Variants in CDH20 observed in about 807,000 individuals in gnomAD.
The protein encoded by CDH20 is cadherin 20, also known as cadherin-20.
Under a neutral mutation model 74.2 loss-of-function variants are expected in CDH20, and 29 were observed. The observed-to-expected ratio is 0.39, with a 90% CI of 0.29 to 0.53. CDH20 has a LOEUF of 0.53. Among genes scored for constraint, CDH20 ranks in the 20% least tolerant of loss-of-function variants. CDH20 has a pLI of 0.69. For missense variants in CDH20, 988 were observed against 1,048.3 expected (o/e 0.94, Z 0.79); for synonymous variants, 469 against 405.4 (o/e 1.16, Z -1.88).
At chr18:61,437,455 G>T (rs780545128) in intron 1 of CDH20, among the ~76,000 whole-genome samples, 4 of 152,102 alleles carry the variant, frequency 2.6e-5, no homozygotes, top group African/African-American at 9.7e-5. Flanking sequence ...AACTTAAATA[G>T]ACATTATTAA....
At chr18:61,425,077 C>CTT (rs56764446) in intron 1 of CDH20, among the ~76,000 whole-genome samples, 1 of 143,690 alleles carries the variant, frequency 7.0e-6, no homozygotes, top group African/African-American at 2.6e-5. Context: ...CTCTCTCTCT[C>CTT]ACTCACTCCG....
chr18:61,478,370 C>T (rs540111227), intron 1 of CDH20, among the ~76,000 whole-genome samples: 79 of 152,202 alleles, frequency 5.2e-4, no homozygotes, highest in African/African-American at 1.9e-3. Flanking sequence ...TTTTCTCTTG[C>T]ATGTTGCCTG....
At chr18:61,340,236 T>TTTTTTTTTTTTA (rs1555669265) in intron 1 of CDH20, among the ~76,000 whole-genome samples, 1 of 151,080 alleles carries the variant, frequency 6.6e-6, no homozygotes, top group Non-Finnish European at 1.5e-5. Context: ...CTTTTTTTTT[T>TTTTTTTTTTTTA]AAAGGTCTGA....
chr18:61,363,907 A>G (rs1355148667), intron 1 of CDH20, among the ~76,000 whole-genome samples: 7 of 152,146 alleles, frequency 4.6e-5, no homozygotes, highest in Admixed American at 1.3e-4. Context: ...GAATTTTTAT[A>G]TTGTTTTACA....
At chr18:61,359,200 T>C (rs559548943) in intron 1 of CDH20, among the ~76,000 whole-genome samples, 1 of 152,166 alleles carries the variant, frequency 6.6e-6, no homozygotes, top group East Asian at 1.9e-4. Flanking sequence ...ATGTTCCTTA[T>C]TCCATCTACA....
chr18:61,457,454 G>GA (rs1370470456), intron 1 of CDH20, among the ~76,000 whole-genome samples: 1 of 152,070 alleles, frequency 6.6e-6, no homozygotes, highest in African/African-American at 2.4e-5. Flanking sequence ...CTGAGGCATA[G>GA]AAAAGTTAAA....
At chr18:61,524,023 C>G in intron 6 of CDH20, among the ~76,000 whole-genome samples, 1 of 152,022 alleles carries the variant, frequency 6.6e-6, no homozygotes, top group East Asian at 1.9e-4. Flanking sequence ...AACAAACCTG[C>G]ACGTTCTGCA....
chr18:61,477,458 TTC>T (rs548801614), intron 1 of CDH20, among the ~76,000 whole-genome samples: 440 of 152,324 alleles, frequency 2.9e-3, no homozygotes, highest in African/African-American at 0.01. Flanking sequence ...AGTGGCTAAA[TTC>T]TGTTTTCTGC....
chr18:61,515,843 G>A lies in CDH20; in HGVS notation c.1017+8283G>A, dbSNP rs548027106. ...ACCTAATGCTAGATGATGAGTTAGTGGGTGCAGCGCACCAGCATGGCACAT... is the reference window on the plus strand; with the variant it reads ...ACCTAATGCTAGATGATGAGTTAGTAGGTGCAGCGCACCAGCATGGCACAT... On this transcript the variant is annotated intron_variant, in intron 6 of 11. Coordinates refer to ENST00000262717, the MANE Select transcript of CDH20 (RefSeq NM_031891.4). 9.3e-5 allele frequency among the ~76,000 whole-genome samples: 14 copies of A among 151,170 alleles called. No homozygotes were observed. In the East Asian group the frequency reaches 2.7e-3, roughly 30 times the overall value.
rs1019200569 is a variant in CDH20 at position 61,499,168 on chromosome 18, G to C, written c.247-18G>C. ...CTGTTGACATTCATGATGAGAATTAGGTGCTTTCCTCTCCCAGCTTCATTC... is the reference window on the plus strand; with the variant it reads ...CTGTTGACATTCATGATGAGAATTACGTGCTTTCCTCTCCCAGCTTCATTC... On this transcript the variant is annotated intron_variant, in intron 2 of 11. Transcript: ENST00000262717. 2.0e-6 allele frequency: 3 copies of C among 1,514,082 alleles called. No homozygotes were observed. The highest frequency in any genetic ancestry group is 1.4e-5 in the African/African-American group (1 of 71,812). The allele number at this position is 1,514,082 out of a possible 1,614,324, so 93.8% of individuals were successfully genotyped here. A position where few individuals can be genotyped will look rare whatever the true frequency, so the allele number is the denominator to read the frequency against.
chr18:61,545,187 T>A (rs760030481), intron 10 of CDH20, 43 bp downstream of exon 10: 1 of 1,251,886 alleles, frequency 8.0e-7, no homozygotes, highest in South Asian at 1.2e-5. Context: ...TTCTACAGCA[T>A]AGGCCAGCTA....
In CDH20 at chr18:61,499,393, A is replaced by G. The variant is rs200020108; in HGVS notation, c.454A>G (p.Ile152Val). 12 of 1,614,140 alleles carry G rather than the reference A, an allele frequency of 7.4e-6. No individual in the cohort carries two copies. In the East Asian group the frequency reaches 2.7e-4, roughly 36 times the overall value. ...GRPMEPESEF[I>V]IKIQDINDNE... ...GCCAATGGAGCCCGAGTCAGAGTTCATCATCAAAATTCAAGACATCAATGA... is the reference window on the plus strand; with the variant it reads ...GCCAATGGAGCCCGAGTCAGAGTTCGTCATCAAAATTCAAGACATCAATGA... The change falls in exon 3 of 12, where the codon ATC (isoleucine) becomes GTC (valine). Residue 152 changes from isoleucine (I) to valine (V), a missense_variant. Around this residue, in one of 2 missense-constraint regions of CDH20, gnomAD observed 613 missense variants for 755.2 expected, o/e 0.81. Transcript: ENST00000262717.
At chr18:61,481,512 T>A (rs1268631940) in intron 1 of CDH20, among the ~76,000 whole-genome samples, 2 of 152,224 alleles carry the variant, frequency 1.3e-5, no homozygotes, top group Non-Finnish European at 2.9e-5. Flanking sequence ...CCTGAAAGCA[T>A]GTATTAGAAG....
chr18:61,416,220 C>A (rs569438471), intron 1 of CDH20, among the ~76,000 whole-genome samples: 1 of 152,252 alleles, frequency 6.6e-6, no homozygotes, highest in East Asian at 1.9e-4. Context: ...TCAGTCCTTA[C>A]AAATAGTTAA....
At chr18:61,363,649 T>C (rs1474476054) in intron 1 of CDH20, among the ~76,000 whole-genome samples, 2 of 152,202 alleles carry the variant, frequency 1.3e-5, no homozygotes, top group Non-Finnish European at 2.9e-5. Flanking sequence ...AAGTGATGCT[T>C]GTGTTCTGGA....
Position 61,515,805 on chromosome 18 carries a change from C to T in CDH20, c.1017+8245C>T, listed in dbSNP as rs571981242. On this transcript the variant is annotated intron_variant, in intron 6 of 11. Transcript: ENST00000262717. ...GGGTCGGGGGAGGGGGGAGGGATAG[C>T]ATTGGGAGATATACCTAATGCTAGA... 1.8e-3 allele frequency among the ~76,000 whole-genome samples: 265 copies of T among 149,220 alleles called. 2 individuals carry two copies. Among genetic ancestry groups the T allele is most frequent in the South Asian group, 2.6e-3 (12 of 4,608 alleles).
At chr18:61,411,934 C>T (rs1912525361) in intron 1 of CDH20, among the ~76,000 whole-genome samples, 1 of 151,988 alleles carries the variant, frequency 6.6e-6, no homozygotes, top group South Asian at 2.1e-4. Flanking sequence ...ACCAAAATCT[C>T]ACGAATCACC....
chr18:61,345,131 C>T (rs143336861), intron 1 of CDH20, among the ~76,000 whole-genome samples: 23 of 152,330 alleles, frequency 1.5e-4, no homozygotes, highest in Admixed American at 1.1e-3. Flanking sequence ...TTCATGCCCA[C>T]CAATCCGGAC....
chr18:61,476,682 A>C (rs1910401467), intron 1 of CDH20, among the ~76,000 whole-genome samples: 1 of 152,184 alleles, frequency 6.6e-6, no homozygotes, highest in South Asian at 2.1e-4. Context: ...CTTGATACCA[A>C]AACTAGGCTG....
Sources: allele counts gnomAD v4.1 joint callset (sites outside exome capture counted in the v4.1 genomes callset), GRCh38; gene constraint gnomAD v4.1.1; regional missense constraint gnomAD v4.1.1; transcripts MANE v1.5; gene names NCBI Gene and HGNC (gene_info 2026-07-23, HGNC 2026-07-21).